The following RNF157 variants were observed in gnomAD, a reference collection of about 807,000 sequenced individuals.
The protein encoded by RNF157 is ring finger protein 157.
Under a neutral mutation model 88.3 loss-of-function variants are expected in RNF157, and 55 were observed. That is an observed-to-expected ratio of 0.62 (90% confidence interval 0.50 to 0.78). RNF157 has a LOEUF of 0.78. RNF157 is among the 30% of genes least tolerant of loss of function. The pLI is 0.00. For synonymous variants in RNF157, 334 were observed against 341.2 expected (o/e 0.98, Z 0.23); for missense variants, 788 against 860.8 (o/e 0.92, Z 1.06).
In RNF157 at chr17:76,155,245, G is replaced by C. The variant is rs751954703; in HGVS notation, c.1764+7C>G. Reference sequence around the variant, plus strand: ...AAGGGGGCACCACTCCGTGCTGTTGGGGTTACCTCTGCATCCTGCTCTCCA... The same window carrying C: ...AAGGGGGCACCACTCCGTGCTGTTGCGGTTACCTCTGCATCCTGCTCTCCA... On this transcript the variant is annotated splice_region_variant and intron_variant, in intron 16 of 18. Transcript: ENST00000269391. The C allele has an allele frequency of 1.9e-6, 3 of 1,613,520 alleles. No individual in the cohort carries two copies. The African/African-American group carries it at 4.0e-5, about 22-fold the overall frequency.
intron 2 of RNF157, among the ~76,000 whole-genome samples, chr17:76,189,025 C>T (rs1205704390): frequency 6.6e-6 from 1 of 152,090 alleles, no homozygotes; most frequent in Non-Finnish European, 1.5e-5. Context: ...CCAAGTACAT[C>T]TAAAAATTTT....
chr17:76,148,119 G>A (rs1301308620), intron 18 of RNF157, among the ~76,000 whole-genome samples: 1 of 151,992 alleles, frequency 6.6e-6, no homozygotes, highest in Non-Finnish European at 1.5e-5. Flanking sequence ...TGAGTTTTGA[G>A]GCCTCTCAAA....
chr17:76,150,744 A>G (rs977157345), intron 18 of RNF157, among the ~76,000 whole-genome samples: 1 of 152,182 alleles, frequency 6.6e-6, no homozygotes, highest in Admixed American at 6.5e-5. Flanking sequence ...AGTCTCACAA[A>G]TATTTTTTCT....
At chr17:76,177,841 C>T (rs1007188585) in intron 2 of RNF157, among the ~76,000 whole-genome samples, 1 of 152,106 alleles carries the variant, frequency 6.6e-6, no homozygotes, top group Non-Finnish European at 1.5e-5. Flanking sequence ...AGAGGAGCTA[C>T]GCACTCCAGG....
At chr17:76,214,652 C>T (rs1010041843) in intron 1 of RNF157, among the ~76,000 whole-genome samples, 1 of 152,168 alleles carries the variant, frequency 6.6e-6, no homozygotes, top group African/African-American at 2.4e-5. Flanking sequence ...ATACCCTCTC[C>T]ACCTCAAATT....
chr17:76,230,405 C>CT (rs1353897548), intron 1 of RNF157, among the ~76,000 whole-genome samples: 1 of 152,212 alleles, frequency 6.6e-6, no homozygotes, highest in Non-Finnish European at 1.5e-5. Flanking sequence ...AACAAAAACA[C>CT]TGAACATGTG....
chr17:76,167,286 T>C (rs2068943306), intron 4 of RNF157, among the ~76,000 whole-genome samples, 160 bp from the exon 5 acceptor site: 1 of 152,194 alleles, frequency 6.6e-6, no homozygotes, highest in Admixed American at 6.5e-5. Context: ...TTGGCAACGT[T>C]AAACTTTTCT....
chr17:76,148,775 T>C (rs1008282641), intron 18 of RNF157, among the ~76,000 whole-genome samples: 16 of 151,994 alleles, frequency 1.1e-4, no homozygotes, highest in African/African-American at 3.9e-4. Context: ...TTCACTGCAT[T>C]GCCCAGGCTG....
chr17:76,233,373 G>A (rs1052798245), intron 1 of RNF157, among the ~76,000 whole-genome samples: 9 of 152,100 alleles, frequency 5.9e-5, no homozygotes, highest in African/African-American at 2.2e-4. Context: ...AGGTGGTAAT[G>A]TTTTTAATTT....
intron 2 of RNF157, among the ~76,000 whole-genome samples, chr17:76,188,845 T>C (rs1568049667): frequency 6.6e-6 from 1 of 152,202 alleles, no homozygotes; most frequent in Non-Finnish European, 1.5e-5. Flanking sequence ...CCGGACCATG[T>C]AAACAGGGCT....
At chr17:76,177,715 C>T (rs2069127423) in intron 2 of RNF157, among the ~76,000 whole-genome samples, 1 of 152,038 alleles carries the variant, frequency 6.6e-6, no homozygotes, top group African/African-American at 2.4e-5. Context: ...CATAAAAGGC[C>T]CAGGCTCAGC....
chr17:76,159,343 A>G lies in RNF157; in HGVS notation c.1296T>C (p.Ser432=), dbSNP rs2068813033. 1 of 1,612,584 alleles carries G rather than the reference A, an allele frequency of 6.2e-7. No homozygotes were observed. Among genetic ancestry groups the G allele is most frequent in the Non-Finnish European group, 8.5e-7 (1 of 1,179,364 alleles). The change falls in exon 12 of 19, where the codon AGT becomes AGC. Residue 432 remains serine (S), a synonymous_variant. Transcript: ENST00000269391. ...GAGCACTGGCTACTCACTTGGAGAG[A>G]CTCTTTTTGAGTTTGAGTCCCTGAC... ...SSSQGLKLKK[S]LSKSTSQNSS... is the part of the protein sequence containing the mutation.
chr17:76,236,486 T>C (rs1019201373), intron 1 of RNF157, among the ~76,000 whole-genome samples: 2 of 152,218 alleles, frequency 1.3e-5, no homozygotes, highest in East Asian at 1.9e-4. Context: ...TAGAGAAGCA[T>C]GTATGACTTC....
At chr17:76,167,968 C>A (rs1328051841) in intron 3 of RNF157, among the ~76,000 whole-genome samples, 171 bp from the exon 4 acceptor site, 1 of 152,198 alleles carries the variant, frequency 6.6e-6, no homozygotes, top group African/African-American at 2.4e-5. Context: ...GCTGGGCATT[C>A]AGGTTACTTC....
At chr17:76,185,039 T>C (rs531240290) in intron 2 of RNF157, among the ~76,000 whole-genome samples, 1 of 152,320 alleles carries the variant, frequency 6.6e-6, no homozygotes, top group East Asian at 1.9e-4. Context: ...GAACACATCA[T>C]AAAATGGCAT....
Position 76,159,470 on chromosome 17 carries a change from C to G in RNF157, c.1169G>C (p.Gly390Ala). ...SPAVPPLHVL[G>A]DGHLSGMLPS... is the part of the protein sequence containing the mutation. ...GAGCATTCCTGAGAGGTGGCCATCT[C>G]CAAGCACGTGAAGTGGAGGAACTGC... The change falls in exon 12 of 19, where the codon GGA becomes GCA. Residue 390 changes from glycine (G) to alanine (A), a missense_variant. Transcript: ENST00000269391. 6.2e-7 allele frequency: 1 copy of G among 1,610,672 alleles called. No homozygotes were observed. The highest frequency in any genetic ancestry group is 8.5e-7 in the Non-Finnish European group (1 of 1,178,806).
chr17:76,177,345 T>C (rs1056836964), intron 2 of RNF157, among the ~76,000 whole-genome samples: 3 of 124,094 alleles, frequency 2.4e-5, no homozygotes, highest in East Asian at 2.8e-4. Flanking sequence ...TGCCTGCTCC[T>C]GCCGCCTAGC....
In RNF157 at chr17:76,175,855, T is replaced by TG. The variant is rs2069094788; in HGVS notation, c.208-2066_208-2065insC. On this transcript the variant is annotated intron_variant, in intron 2 of 18. Transcript: ENST00000269391. Reference sequence around the variant, plus strand: ...AAAAATAAAAAGAAAGAAAAAAAAATCCTGGCACTCTTTATCCTCCATTTT... The same window carrying TG: ...AAAAATAAAAAGAAAGAAAAAAAAATGCCTGGCACTCTTTATCCTCCATTTT... 2.4e-5 allele frequency: 20 copies of TG among 837,850 alleles called. No individual in the cohort carries two copies. In the South Asian group the frequency reaches 7.6e-4, roughly 32 times the overall value. 51.9% of individuals were successfully genotyped at this position (837,850 alleles called of 1,614,324 possible).
At position 76,162,625 on chromosome 17, in the gene RNF157, T is replaced by C. The variant is rs1224515336; in HGVS notation, c.721-2A>G. The C allele has an allele frequency of 1.9e-6, 3 of 1,609,586 alleles. No individual in the cohort carries two copies. The highest frequency in any genetic ancestry group is 2.5e-6 in the Non-Finnish European group (3 of 1,177,810). On this transcript the variant is annotated splice_acceptor_variant, in intron 8 of 18. Transcript: ENST00000269391. LOFTEE classifies it high-confidence loss of function. ...AAGGAGGTAGCTGACCCCGTCTACC[T>C]GAACAGCAAACAGAAAGGTTCAAGG... is the stretch of plus-strand genomic sequence containing the variant.
Sources: gnomAD v4.1 joint callset for allele counts (sites outside exome capture counted in the v4.1 genomes callset) on GRCh38, gnomAD v4.1.1 for gene constraint, MANE v1.5 for transcripts, NCBI Gene and HGNC (gene_info 2026-07-23, HGNC 2026-07-21) for gene names.